Variants in DGKB observed in about 807,000 individuals in gnomAD.
The protein encoded by DGKB is diacylglycerol kinase beta.
A neutral mutation model predicts 114.3 loss-of-function variants in DGKB; 67 were observed. The observed-to-expected ratio is 0.59, with a 90% CI of 0.48 to 0.72. The LOEUF is 0.72. DGKB is among the 30% of genes least tolerant of loss of function. DGKB has a pLI of 0.00. For missense variants in DGKB, 907 were observed against 975.2 expected, an observed-to-expected ratio of 0.93 and a Z score of 0.93; for synonymous variants, 398 against 323.1, an observed-to-expected ratio of 1.23 and a Z score of -2.49.
chr7:14,699,548 T>C (rs939656187), intron 7 of DGKB, among the ~76,000 whole-genome samples: 1 of 152,220 alleles, frequency 6.6e-6, no homozygotes, highest in Non-Finnish European at 1.5e-5. Context: ...GTTTGCCGTA[T>C]TGCAAATGAT....
rs555861784 is a variant in DGKB at position 14,704,892 on chromosome 7, A to G, written c.467-3162T>C. On this transcript the variant is annotated intron_variant, in intron 6 of 25. Transcript: ENST00000402815. ...GAAAAAACAGAACAGAAAAACTGGA[A>G]GCTCTAAAAATCAGAGCGCCTCTCC... is the stretch of plus-strand genomic sequence containing the variant. Among the ~76,000 whole-genome samples, 11 of 152,316 alleles carry G rather than the reference A, an allele frequency of 7.2e-5. No individual in the cohort carries two copies. The South Asian group carries it at 2.1e-3, about 29-fold the overall frequency.
chr7:14,616,061 G>A (rs141500629), intron 15 of DGKB, among the ~76,000 whole-genome samples: 117 of 150,732 alleles, frequency 7.8e-4, no homozygotes, highest in African/African-American at 2.7e-3. Context: ...CAAATTTACA[G>A]AAAAGTTGCA....
intron 2 of DGKB, among the ~76,000 whole-genome samples, chr7:14,815,978 C>T (rs553888241): frequency 6.6e-6 from 1 of 152,162 alleles, no homozygotes; most frequent in East Asian, 1.9e-4. Flanking sequence ...TGTTATAATA[C>T]TAGGCATTGC....
intron 2 of DGKB, among the ~76,000 whole-genome samples, chr7:14,836,600 A>T (rs921180662): frequency 2.6e-5 from 4 of 152,226 alleles, no homozygotes; most frequent in Non-Finnish European, 5.9e-5. Flanking sequence ...AATTCTCTAA[A>T]GGGCAGGAGT....
At chr7:14,802,618 A>T (rs1167643916) in intron 2 of DGKB, among the ~76,000 whole-genome samples, 1 of 152,174 alleles carries the variant, frequency 6.6e-6, no homozygotes, top group African/African-American at 2.4e-5. Context: ...CCTATTAGAA[A>T]TATTTCAAAT....
At chr7:14,419,276 A>G (rs1327777249) in intron 21 of DGKB, among the ~76,000 whole-genome samples, 2 of 152,034 alleles carry the variant, frequency 1.3e-5, no homozygotes, top group African/African-American at 4.8e-5. Flanking sequence ...TATGATATAT[A>G]ACACATTTTT....
chr7:14,392,970 C>CAAA (rs1821551940), intron 21 of DGKB, among the ~76,000 whole-genome samples: 1 of 100,536 alleles, frequency 9.9e-6, no homozygotes, highest in Non-Finnish European at 2.2e-5. Context: ...ACCTGAGGGC[C>CAAA]AAAACAGACC....
chr7:14,679,315 T>G (rs78918216), intron 12 of DGKB, among the ~76,000 whole-genome samples: 455 of 152,142 alleles, frequency 3.0e-3, no homozygotes, highest in South Asian at 6.6e-3. Flanking sequence ...ACAGAGAATT[T>G]TTTGCCCCTT....
At chr7:14,696,560 C>T (rs906082452) in intron 8 of DGKB, among the ~76,000 whole-genome samples, 2 of 150,540 alleles carry the variant, frequency 1.3e-5, no homozygotes, top group Non-Finnish European at 3.0e-5. Context: ...AACAAATCCC[C>T]CTCCCACTCT....
chr7:14,272,212 AG>A (rs1798367745), intron 23 of DGKB, among the ~76,000 whole-genome samples: 1 of 152,092 alleles, frequency 6.6e-6, no homozygotes, highest in Admixed American at 6.5e-5. Flanking sequence ...TTGAAGAACT[AG>A]GTAAGTTAAT....
At chr7:14,200,873 A>C (rs1020917956) in intron 23 of DGKB, among the ~76,000 whole-genome samples, 12 of 151,942 alleles carry the variant, frequency 7.9e-5, no homozygotes, top group Non-Finnish European at 1.6e-4. Context: ...AGTTGTGAGA[A>C]ATTAGGTAAT....
intron 1 of DGKB, among the ~76,000 whole-genome samples, chr7:14,960,128 GA>G (rs1410563042): frequency 1.3e-5 from 2 of 151,968 alleles, no homozygotes; most frequent in Non-Finnish European, 2.9e-5. Context: ...ACAGATATAT[GA>G]TAACTAAGAT....
intron 20 of DGKB, among the ~76,000 whole-genome samples, chr7:14,487,411 T>G (rs1420467681): frequency 2.0e-5 from 3 of 152,110 alleles, no homozygotes; most frequent in Non-Finnish European, 2.9e-5. Context: ...ATAGGACCAA[T>G]AAGCATAAAA....
chr7:14,923,979 A>G (rs985876917), intron 1 of DGKB, among the ~76,000 whole-genome samples: 5 of 124,274 alleles, frequency 4.0e-5, no homozygotes, highest in Admixed American at 8.6e-5. Flanking sequence ...GTGAAGCTCC[A>G]TCTCAAAAAA....
intron 23 of DGKB, among the ~76,000 whole-genome samples, chr7:14,301,135 C>A (rs6955155): frequency 0.87 from 132,660 of 152,158 alleles, 58,169 homozygotes; most frequent in African/African-American, 0.97. Context: ...TGTTTGCAGT[C>A]TTTGATATTT....
chr7:14,764,633 T>G (rs997633137), intron 2 of DGKB, among the ~76,000 whole-genome samples: 1 of 151,930 alleles, frequency 6.6e-6, no homozygotes, highest in Non-Finnish European at 1.5e-5. Context: ...AATTAATCAC[T>G]GCTCTGATCC....
intron 20 of DGKB, among the ~76,000 whole-genome samples, chr7:14,509,768 C>T (rs1034467436): frequency 6.6e-6 from 1 of 152,238 alleles, no homozygotes; most frequent in Admixed American, 6.5e-5. Flanking sequence ...CTTTCTAACT[C>T]CTTTGTCTCC....
chr7:14,220,857 A>C (rs1254790943), intron 23 of DGKB, among the ~76,000 whole-genome samples: 1 of 151,380 alleles, frequency 6.6e-6, no homozygotes. Flanking sequence ...AATTTTTAAA[A>C]ATTTCTTTCA....
In DGKB at chr7:14,958,345, G is replaced by A. The variant is rs148786412; in HGVS notation, c.-188+16351C>T. ...ATGGTTTTATTTTAGACAAATAAAGGGAGTAGATGTCAGACAGTGAATGTG... is the reference window on the plus strand; with the variant it reads ...ATGGTTTTATTTTAGACAAATAAAGAGAGTAGATGTCAGACAGTGAATGTG... On this transcript the variant is annotated intron_variant, in intron 1 of 4. Transcript: ENST00000437998. Among the ~76,000 whole-genome samples the A allele has an allele frequency of 7.2e-3, 1,063 of 148,572 alleles. 2 individuals are homozygous for A. Among genetic ancestry groups the A allele is most frequent in the Non-Finnish European group, 0.011 (722 of 67,276 alleles).
Sources: gnomAD v4.1 joint callset for allele counts (sites outside exome capture counted in the v4.1 genomes callset) on GRCh38, gnomAD v4.1.1 for gene constraint, MANE v1.5 for transcripts, NCBI Gene and HGNC (gene_info 2026-07-23, HGNC 2026-07-21) for gene names.